The following GEMIN2 variants were observed in gnomAD, a reference collection of about 807,000 sequenced individuals.
GEMIN2 encodes gem nuclear organelle associated protein 2, also known as gem-associated protein 2.
A neutral mutation model predicts 45.8 loss-of-function variants in GEMIN2; 37 were observed. The ratio of observed to expected loss-of-function variants is 0.81; its 90% CI spans 0.62 to 1.06. The LOEUF is 1.06. GEMIN2 is among the 50% of genes least tolerant of loss of function. GEMIN2 has a pLI of 0.00. For synonymous variants in GEMIN2, 101 were observed against 111.5 expected (o/e 0.91, Z 0.60); for missense variants, 335 against 321.8 (o/e 1.04, Z -0.31).
At chr14:39,118,650 A>T in intron 4 of GEMIN2, 51 bp downstream of exon 4, 1 of 784,578 alleles carries the variant, frequency 1.3e-6, no homozygotes, top group Non-Finnish European at 2.2e-6. Context: ...TGATTGAAAG[A>T]GTCTATATTT....
chr14:39,117,923 C>T, intron 2 of GEMIN2, 76 bp from the exon 3 acceptor site: 2 of 646,364 alleles, frequency 3.1e-6, no homozygotes, highest in South Asian at 2.0e-5. Flanking sequence ...CTTGGTTTTA[C>T]TTTTGCTTTG....
chr14:39,133,016 GTGTGTGTGTGTA>G (rs1439010130), intron 8 of GEMIN2, among the ~76,000 whole-genome samples: 12 of 126,958 alleles, frequency 9.5e-5, no homozygotes, highest in African/African-American at 3.3e-4. Context: ...ATATGTGTGT[GTGTGTGTGTGTA>G]TATATATATA....
At chr14:39,128,887 C>T (rs2052680682) in intron 7 of GEMIN2, among the ~76,000 whole-genome samples, 2 of 152,160 alleles carry the variant, frequency 1.3e-5, no homozygotes, top group African/African-American at 4.8e-5. Context: ...GTTCTTCCCA[C>T]CTTGGCCTCC....
Position 39,131,918 on chromosome 14 carries a change from A to C in GEMIN2, c.601-40A>C, listed in dbSNP as rs7152736. The C allele has an allele frequency of 4.0e-3, 3,662 of 914,088 alleles. 81 individuals carry two copies. In the African/African-American group the frequency reaches 0.051, roughly 13 times the overall value. The allele number at this position is 914,088 out of a possible 1,614,324, so 56.6% of individuals were successfully genotyped here. On this transcript the variant is annotated intron_variant, in intron 7 of 9. Coordinates refer to ENST00000308317, the MANE Select transcript of GEMIN2 (RefSeq NM_003616.3). ...CATTTAAAAAATAAACTTCTGGTTC[A>C]GTATTTGTCTAAATATTAATTTTTT...
At chr14:39,123,179 TC>T (rs2052595379) in intron 5 of GEMIN2, among the ~76,000 whole-genome samples, 1 of 152,212 alleles carries the variant, frequency 6.6e-6, no homozygotes, top group Admixed American at 6.5e-5. Flanking sequence ...TTGCAGGTGT[TC>T]CTTGAGAATC....
intron 8 of GEMIN2, 112 bp downstream of exon 8, chr14:39,132,180 A>G: frequency 3.0e-6 from 2 of 666,990 alleles, no homozygotes; most frequent in Admixed American, 2.5e-5. Flanking sequence ...GGTGGCAATT[A>G]GATTTGTAAA....
intron 2 of GEMIN2, among the ~76,000 whole-genome samples, chr14:39,116,928 T>G (rs1271991896): frequency 6.6e-6 from 1 of 152,164 alleles, no homozygotes; most frequent in Non-Finnish European, 1.5e-5. Flanking sequence ...TTGTATTTTT[T>G]GTAGCGACGG....
rs538197974 is a variant in GEMIN2, at chr14:39,119,211, T to C, written c.372+612T>C. Among the ~76,000 whole-genome samples, 10 of 152,264 alleles carry C rather than the reference T, an allele frequency of 6.6e-5. No homozygotes were observed. The South Asian group carries it at 1.9e-3, about 28-fold the overall frequency. ...ACATTTTCAATATTTACAAAAAAAA[T>C]TGAATAAAGCCTTAATGGATTTTCC... On this transcript the variant is annotated intron_variant, in intron 4 of 9. Transcript: ENST00000308317.
chr14:39,114,944 C>G (rs372494220), intron 2 of GEMIN2, 31 bp downstream of exon 2: 1 of 954,272 alleles, frequency 1.0e-6, no homozygotes, highest in Non-Finnish European at 1.7e-6. Context: ...GGAGATTACC[C>G]CCAACCCCCC....
rs767522528 is a variant in GEMIN2 at position 39,131,997 on chromosome 14, C to T, written c.640C>T (p.Pro214Ser). 4 of 1,604,186 alleles carry T rather than the reference C, an allele frequency of 2.5e-6. No individual in the cohort carries two copies. In the South Asian group the frequency reaches 4.4e-5, roughly 18 times the overall value. ...TGCTTTATTGGCTTGTCTTGAAAAG[C>T]CTTTGTTACCTGAGGCTCATTCACT... ...LYALLACLEK[P>S]LLPEAHSLIR... Residue 214 changes from proline to serine, a missense_variant, in exon 8 of 10, where the codon CCT becomes TCT. Transcript: ENST00000308317.
At chr14:39,135,443 G>A (rs1422184088) in intron 9 of GEMIN2, among the ~76,000 whole-genome samples, 7 of 152,188 alleles carry the variant, frequency 4.6e-5, no homozygotes, top group Admixed American at 6.6e-5. Flanking sequence ...AAAATTAGCC[G>A]GGCACGGTGG....
chr14:39,121,814 A>T, intron 4 of GEMIN2: 1 of 153,648 alleles, frequency 6.5e-6, no homozygotes, highest in Non-Finnish European at 1.4e-5. Context: ...CCCAGGCTCG[A>T]GTGATTCTCC....
intron 5 of GEMIN2, among the ~76,000 whole-genome samples, chr14:39,123,719 T>A (rs2052606950): frequency 9.2e-6 from 1 of 109,154 alleles, no homozygotes; most frequent in African/African-American, 3.8e-5. Flanking sequence ...TTTTTTTTTT[T>A]TTTTTTTTTT....
At chr14:39,133,541 CATG>C (rs2052747339) in intron 8 of GEMIN2, 117 bp from the exon 9 acceptor site, 1 of 462,560 alleles carries the variant, frequency 2.2e-6, no homozygotes, top group Admixed American at 4.2e-5. Context: ...CCTATTTCCA[CATG>C]ATGATTACTG....
Position 39,136,638 on chromosome 14 carries a change from G to A in GEMIN2, c.*159G>A, listed in dbSNP as rs1030980618. On this transcript the variant is annotated 3_prime_UTR_variant, in exon 10 of 10. Coordinates refer to ENST00000308317, the MANE Select transcript of GEMIN2 (RefSeq NM_003616.3). The stretch of plus-strand genomic sequence containing the variant: ...AATTCAGATTGATACTCAGAATATG[G>A]GTTGATTTGAATATCTGAAATATCA... 2 of 550,938 alleles carry A rather than the reference G, an allele frequency of 3.6e-6. No homozygotes were observed. The highest frequency in any genetic ancestry group is 1.9e-5 in the African/African-American group (1 of 52,374). The allele number at this position is 550,938 out of a possible 1,614,324, so 34.1% of individuals were successfully genotyped here.
rs1397886937 is a variant in GEMIN2 at position 39,128,343 on chromosome 14, G to T, written c.595G>T (p.Glu199Ter). The change falls in exon 7 of 10, where the codon GAA becomes TAA. Residue 199 changes from glutamate (E) to a stop codon, truncating the protein, a stop_gained. Coordinates refer to ENST00000308317, the MANE Select transcript of GEMIN2 (RefSeq NM_003616.3). LOFTEE classifies it high-confidence loss of function. ...GTTTGGAGAAAGAGACTTTACTCCA[G>T]AATTGGTAGTATTGCATGTTTTTCT... ...NWFGERDFTP[E>*]LGRWLYALLA... 1.3e-6 allele frequency: 2 copies of T among 1,544,250 alleles called. No homozygotes were observed. The highest frequency in any genetic ancestry group is 1.8e-6 in the Non-Finnish European group (2 of 1,122,384).
intron 7 of GEMIN2, among the ~76,000 whole-genome samples, chr14:39,129,501 C>T (rs181145474): frequency 1.2e-3 from 176 of 152,246 alleles, no homozygotes; most frequent in Non-Finnish European, 2.0e-3. Flanking sequence ...GCAGCCTCCA[C>T]CTCCTGGTTT....
At chr14:39,125,065 T>C in intron 6 of GEMIN2, 29 bp downstream of exon 6, 1 of 1,037,574 alleles carries the variant, frequency 9.6e-7, no homozygotes, top group Non-Finnish European at 1.5e-6. Context: ...ATATATGCAT[T>C]CTTTTGTTTG....
At chr14:39,135,415 G>A (rs75120179) in intron 9 of GEMIN2, among the ~76,000 whole-genome samples, 2 of 152,032 alleles carry the variant, frequency 1.3e-5, no homozygotes, top group East Asian at 1.9e-4. Context: ...GTGAAACCTC[G>A]CCTCTACTAA....
Sources: allele counts gnomAD v4.1 joint callset (sites outside exome capture counted in the v4.1 genomes callset), GRCh38; gene constraint gnomAD v4.1.1; transcripts MANE v1.5; gene names NCBI Gene and HGNC (gene_info 2026-07-23, HGNC 2026-07-21).